The following RAD51B variants were observed in gnomAD, a reference collection of about 807,000 sequenced individuals.
RAD51B encodes the protein DNA repair protein RAD51 homolog 2.
RAD51B carries 38 observed loss-of-function variants against 42.2 expected under a neutral mutation model. The ratio of observed to expected loss-of-function variants is 0.90; its 90% CI spans 0.70 to 1.18. The LOEUF (loss-of-function observed/expected upper bound fraction) is 1.18. Among genes scored for constraint, RAD51B ranks in the 50% most tolerant of loss-of-function variants. RAD51B has a pLI of 0.00. For missense variants in RAD51B, 373 were observed against 400.7 expected, an observed-to-expected ratio of 0.93 and a Z score of 0.59; for synonymous variants, 154 against 145.2, an observed-to-expected ratio of 1.06 and a Z score of -0.43.
At chr14:68,025,476 C>CTTTTTTTTTT (rs765471138) in intron 7 of RAD51B, among the ~76,000 whole-genome samples, 2 of 40,976 alleles carry the variant, frequency 4.9e-5, no homozygotes, top group African/African-American at 9.4e-5. Flanking sequence ...CTGGTCTAGG[C>CTTTTTTTTTT]TTTTTTTTTT....
At chr14:68,317,750 G>A (rs2082088812) in intron 8 of RAD51B, among the ~76,000 whole-genome samples, 2 of 152,212 alleles carry the variant, frequency 1.3e-5, no homozygotes, top group Non-Finnish European at 2.9e-5. Context: ...TTGCATTTGA[G>A]TTGAATTTTG....
intron 10 of RAD51B, chr14:68,540,140 G>A: frequency 2.0e-6 from 2 of 986,660 alleles, no homozygotes; most frequent in Non-Finnish European, 2.4e-6. Flanking sequence ...AATGCCTCCA[G>A]GACATGAGGG....
chr14:68,027,278 G>C (rs1262530081), intron 7 of RAD51B, among the ~76,000 whole-genome samples: 1 of 151,912 alleles, frequency 6.6e-6, no homozygotes, highest in African/African-American at 2.4e-5. Flanking sequence ...TACAATTTTT[G>C]TCTTTTACAT....
chr14:68,471,023 T>C (rs1229409061), intron 10 of RAD51B, among the ~76,000 whole-genome samples: 1 of 152,226 alleles, frequency 6.6e-6, no homozygotes, highest in African/African-American at 2.4e-5. Context: ...CCTTGGTCCC[T>C]GGGTGGAAAA....
intron 7 of RAD51B, among the ~76,000 whole-genome samples, chr14:68,076,495 A>C (rs1375782700): frequency 6.6e-6 from 1 of 152,218 alleles, no homozygotes; most frequent in Non-Finnish European, 1.5e-5. Context: ...AACTTATTTA[A>C]ATTTCTGTAG....
At chr14:67,931,678 A>C (rs1266448208) in intron 7 of RAD51B, among the ~76,000 whole-genome samples, 1 of 151,190 alleles carries the variant, frequency 6.6e-6, no homozygotes, top group Non-Finnish European at 1.5e-5. Flanking sequence ...AATTTTTTGT[A>C]TTTTTAGTAG....
chr14:68,611,420 C>G, exon 11 of RAD51B: 2 of 607,508 alleles, frequency 3.3e-6, no homozygotes, highest in Non-Finnish European at 5.9e-6. Flanking sequence ...ATCTTCCTCC[C>G]ACTCCTACAA....
intron 9 of RAD51B, among the ~76,000 whole-genome samples, chr14:68,444,411 C>T (rs369663694): frequency 6.6e-6 from 1 of 151,290 alleles, no homozygotes; most frequent in Admixed American, 6.6e-5. Context: ...AGGAAATAAG[C>T]AAATTCCACA....
intron 7 of RAD51B, among the ~76,000 whole-genome samples, chr14:67,985,602 G>A (rs903174057): frequency 2.6e-5 from 4 of 151,924 alleles, no homozygotes; most frequent in Admixed American, 2.0e-4. Flanking sequence ...TTTGTGACAC[G>A]GACAGCTTTG....
intron 7 of RAD51B, among the ~76,000 whole-genome samples, chr14:68,183,342 G>A (rs558738045): frequency 2.2e-5 from 3 of 136,648 alleles, no homozygotes; most frequent in South Asian, 5.0e-4. Context: ...TCAAGCGCAG[G>A]AAGCATCCAG....
intron 8 of RAD51B, among the ~76,000 whole-genome samples, chr14:68,410,694 G>A (rs2084393100): frequency 6.6e-6 from 1 of 152,136 alleles, no homozygotes; most frequent in Admixed American, 6.5e-5. Flanking sequence ...CCTTCAAGGG[G>A]GAAGGAGCAG....
At chr14:68,318,948 T>TA (rs1308405197) in intron 8 of RAD51B, among the ~76,000 whole-genome samples, 1 of 152,216 alleles carries the variant, frequency 6.6e-6, no homozygotes, top group Non-Finnish European at 1.5e-5. Flanking sequence ...TATCATGTCT[T>TA]AAACGTCAGC....
chr14:67,917,439 T>C (rs762921965), intron 7 of RAD51B, among the ~76,000 whole-genome samples: 62 of 152,138 alleles, frequency 4.1e-4, no homozygotes, highest in Non-Finnish European at 5.3e-4. Flanking sequence ...ACCAGATCTC[T>C]TGAGAACTCA....
intron 3 of RAD51B, among the ~76,000 whole-genome samples, chr14:67,826,602 A>G (rs1363086713): frequency 6.6e-6 from 1 of 152,232 alleles, no homozygotes; most frequent in Non-Finnish European, 1.5e-5. Context: ...AATTCTCTGA[A>G]GAAGGGGAGA....
intron 7 of RAD51B, among the ~76,000 whole-genome samples, chr14:68,074,179 G>C (rs758852523): frequency 1.3e-5 from 2 of 151,964 alleles, no homozygotes; most frequent in African/African-American, 4.8e-5. Flanking sequence ...TGTTGATTTG[G>C]TCTCTTTACA....
intron 7 of RAD51B, among the ~76,000 whole-genome samples, chr14:67,924,991 A>C (rs2044455235): frequency 6.6e-6 from 1 of 152,250 alleles, no homozygotes; most frequent in Admixed American, 6.5e-5. Context: ...AAATACAGCC[A>C]TTCCAAATGG....
chr14:68,410,173 C>A (rs946208761), intron 8 of RAD51B, among the ~76,000 whole-genome samples: 4 of 152,126 alleles, frequency 2.6e-5, no homozygotes, highest in Admixed American at 6.5e-5. Flanking sequence ...AGTAACACTG[C>A]GAGTTAGACA....
At chr14:68,510,527 G>A (rs961957165) in intron 10 of RAD51B, among the ~76,000 whole-genome samples, 2 of 152,188 alleles carry the variant, frequency 1.3e-5, no homozygotes, top group African/African-American at 4.8e-5. Flanking sequence ...GGGTCCTGTT[G>A]GGGGGCTCTG....
intron 7 of RAD51B, among the ~76,000 whole-genome samples, chr14:67,974,494 C>T (rs2074953420): frequency 2.0e-5 from 3 of 151,962 alleles, no homozygotes; most frequent in African/African-American, 7.3e-5. Context: ...GGATGGGGAA[C>T]ATGTAAATAA....
Sources: allele counts gnomAD v4.1 joint callset (sites outside exome capture counted in the v4.1 genomes callset), GRCh38; gene constraint gnomAD v4.1.1; transcripts MANE v1.5; gene names NCBI Gene and HGNC (gene_info 2026-07-23, HGNC 2026-07-21).